Variants in SERINC1 observed in about 807,000 individuals in gnomAD.
SERINC1 encodes the protein tumor differentially expressed protein 2.
SERINC1 carries 38 observed loss-of-function variants against 52.9 expected under a neutral mutation model. That is an observed-to-expected ratio of 0.72 (90% confidence interval 0.55 to 0.94). SERINC1 has a LOEUF of 0.94. Among genes scored for constraint, SERINC1 ranks in the 40% least tolerant of loss-of-function variants. SERINC1 has a pLI of 0.00. For missense variants in SERINC1, 471 were observed against 533.9 expected (o/e 0.88, Z 1.16); for synonymous variants, 198 against 183.1 (o/e 1.08, Z -0.66).
intron 1 of SERINC1, among the ~76,000 whole-genome samples, chr6:122,461,155 A>G (rs1352342857): frequency 6.6e-6 from 1 of 152,110 alleles, no homozygotes; most frequent in Non-Finnish European, 1.5e-5. Context: ...TAATTGCCCA[A>G]ATTTTTCCAA....
chr6:122,458,744 G>C, intron 1 of SERINC1, 63 bp from the exon 2 acceptor site: 1 of 1,125,684 alleles, frequency 8.9e-7, no homozygotes, highest in East Asian at 2.6e-5. Flanking sequence ...ATCTTAAAAT[G>C]ATACAATGAA....
chr6:122,464,376 TC>T (rs1233120712), intron 1 of SERINC1, among the ~76,000 whole-genome samples: 1 of 152,128 alleles, frequency 6.6e-6, no homozygotes, highest in Non-Finnish European at 1.5e-5. Flanking sequence ...AATCTGTGCA[TC>T]AAAAGAGCAC....
At chr6:122,466,632 T>C (rs1775197885) in intron 1 of SERINC1, among the ~76,000 whole-genome samples, 2 of 152,030 alleles carry the variant, frequency 1.3e-5, no homozygotes, top group African/African-American at 4.8e-5. Context: ...ACTGCCCCTA[T>C]AGCAGAGGTT....
chr6:122,468,446 G>C (rs1775222451), intron 1 of SERINC1, among the ~76,000 whole-genome samples: 1 of 152,150 alleles, frequency 6.6e-6, no homozygotes, highest in South Asian at 2.1e-4. Context: ...GAGCAAAACT[G>C]TGTCCAGTTG....
At chr6:122,468,176 T>TA (rs1456178515) in intron 1 of SERINC1, among the ~76,000 whole-genome samples, 2 of 152,232 alleles carry the variant, frequency 1.3e-5, no homozygotes, top group African/African-American at 4.8e-5. Context: ...GAAGTGAATC[T>TA]AAAATTAAAA....
chr6:122,470,945 G>A (rs17201852), intron 1 of SERINC1, among the ~76,000 whole-genome samples: 29,725 of 151,406 alleles, frequency 0.2, 3,476 homozygotes, highest in Non-Finnish European at 0.27. Flanking sequence ...ACTGAAAATA[G>A]TTTTACTCTA....
intron 1 of SERINC1, among the ~76,000 whole-genome samples, chr6:122,462,315 G>A (rs1406832009): frequency 6.6e-6 from 1 of 152,086 alleles, no homozygotes; most frequent in African/African-American, 2.4e-5. Context: ...ATCAAACAAG[G>A]CAAAATACCT....
At chr6:122,462,116 A>C (rs1429201294) in intron 1 of SERINC1, among the ~76,000 whole-genome samples, 1 of 152,204 alleles carries the variant, frequency 6.6e-6, no homozygotes, top group Non-Finnish European at 1.5e-5. Context: ...AAACAGACTA[A>C]AGAAAAAAAA....
intron 1 of SERINC1, among the ~76,000 whole-genome samples, chr6:122,465,926 C>A (rs9401547): frequency 0.14 from 20,910 of 151,978 alleles, 1,549 homozygotes; most frequent in East Asian, 0.26. Context: ...CATGAAACAA[C>A]CACAGGATGC....
chr6:122,445,924 T>TA (rs1190949463), intron 9 of SERINC1, among the ~76,000 whole-genome samples: 2 of 147,616 alleles, frequency 1.4e-5, no homozygotes, highest in African/African-American at 5.0e-5. Flanking sequence ...TCTTATAGCT[T>TA]AATACGCTAC....
At position 122,444,526 on chromosome 6, in the gene SERINC1, T is replaced by C. The variant is rs1423827700; in HGVS notation, c.*518A>G. ...ATCCATAACCTACACTATTGTCCAC[T>C]AAACACTCCCTACCTGTGTAAATTC... On this transcript the variant is annotated 3_prime_UTR_variant, in exon 10 of 10. Coordinates refer to ENST00000339697, the MANE Select transcript of SERINC1 (RefSeq NM_020755.4). The C allele has an allele frequency of 6.5e-6, 1 of 152,766 alleles. No individual in the cohort carries two copies. Among genetic ancestry groups the C allele is most frequent in the African/African-American group, 2.4e-5 (1 of 41,446 alleles). The allele number at this position is 152,766 out of a possible 1,614,324, so 9.5% of individuals were successfully genotyped here. A position where few individuals can be genotyped will look rare whatever the true frequency, so the allele number is the denominator to read the frequency against.
At chr6:122,451,015 G>C (rs1334330121) in intron 7 of SERINC1, among the ~76,000 whole-genome samples, 5 of 152,156 alleles carry the variant, frequency 3.3e-5, no homozygotes, top group Non-Finnish European at 7.4e-5. Flanking sequence ...GGTTTAAGAG[G>C]ATTGACTCCA....
chr6:122,452,107 G>T (rs902303851), intron 5 of SERINC1, 50 bp from the exon 6 acceptor site: 10 of 1,249,478 alleles, frequency 8.0e-6, no homozygotes, highest in Non-Finnish European at 9.4e-6. Context: ...GAAATTATTA[G>T]CAATTAGAAA....
intron 7 of SERINC1, among the ~76,000 whole-genome samples, chr6:122,450,358 T>TGTTG (rs1472474933): frequency 6.6e-6 from 1 of 152,218 alleles, no homozygotes; most frequent in Non-Finnish European, 1.5e-5. Flanking sequence ...TTAAGCCCAT[T>TGTTG]GTTGGGACTT....
At position 122,454,208 on chromosome 6, in the gene SERINC1, C is replaced by A. The variant is rs1277818722; in HGVS notation, c.394G>T (p.Ala132Ser). 4 of 1,583,008 alleles carry A rather than the reference C, an allele frequency of 2.5e-6. No individual in the cohort carries two copies. Among genetic ancestry groups the A allele is most frequent in the Admixed American group, 1.8e-5 (1 of 56,346 alleles). ...HNGFWFFKFA[A>S]AIAIIIGAFF... ...GCCCCAATAATAATTGCAATTGCTG[C>A]AGCAAATTTAAAGAACCAAAATCTA... is the stretch of plus-strand genomic sequence containing the variant. Residue 132 changes from alanine to serine, a missense_variant, in exon 4 of 10, where the codon GCA (alanine) becomes TCA (serine). Physicochemically the swap from Ala to Ser is moderately conservative, Grantham distance 99. Transcript: ENST00000339697.
chr6:122,458,910 A>G (rs1489557832), intron 1 of SERINC1, among the ~76,000 whole-genome samples: 1 of 152,224 alleles, frequency 6.6e-6, no homozygotes, highest in Non-Finnish European at 1.5e-5. Flanking sequence ...CTCTATGCCA[A>G]GTAAAACGGA....
intron 7 of SERINC1, among the ~76,000 whole-genome samples, chr6:122,449,665 T>C (rs1396007989): frequency 6.6e-6 from 1 of 152,156 alleles, no homozygotes; most frequent in Non-Finnish European, 1.5e-5. Flanking sequence ...AACCAGTAAG[T>C]GCTGATGCAG....
chr6:122,455,405 A>G (rs1774977318), intron 3 of SERINC1, among the ~76,000 whole-genome samples: 1 of 152,060 alleles, frequency 6.6e-6, no homozygotes, highest in Non-Finnish European at 1.5e-5. Flanking sequence ...AGGCAAAAAA[A>G]AAAAGTGAAA....
At chr6:122,445,621 T>C (rs1187627772) in intron 9 of SERINC1, among the ~76,000 whole-genome samples, 2 of 133,048 alleles carry the variant, frequency 1.5e-5, no homozygotes, top group Non-Finnish European at 3.1e-5. Flanking sequence ...AGATATCTCC[T>C]TAAAAAAAGA....
Sources: gnomAD v4.1 joint callset for allele counts (sites outside exome capture counted in the v4.1 genomes callset) on GRCh38, gnomAD v4.1.1 for gene constraint, MANE v1.5 for transcripts, NCBI Gene and HGNC (gene_info 2026-07-23, HGNC 2026-07-21) for gene names.